The following POGZ variants were observed in gnomAD, a reference collection of about 807,000 sequenced individuals.
The protein encoded by POGZ is pogo transposable element derived with ZNF domain, also known as pogo transposable element with ZNF domain.
POGZ carries 17 observed loss-of-function variants against 134.6 expected under a neutral mutation model. The observed-to-expected ratio is 0.13, with a 90% CI of 0.09 to 0.19. The LOEUF is 0.19. Among genes scored for constraint, POGZ ranks in the 10% least tolerant of loss-of-function variants. POGZ has a pLI of 1.00. For missense variants in POGZ, 1,306 were observed against 1,769.7 expected (o/e 0.74, Z 4.70); for synonymous variants, 693 against 657.1 (o/e 1.05, Z -0.84).
chr1:151,423,855 T>G, intron 9 of POGZ, 94 bp downstream of exon 9: 3 of 918,364 alleles, frequency 3.3e-6, no homozygotes, highest in Non-Finnish European at 4.9e-6. Flanking sequence ...GCATAGTAGT[T>G]AGGTCCATTC....
chr1:151,438,529 CA>C (rs1660001068), intron 3 of POGZ, among the ~76,000 whole-genome samples: 1 of 151,982 alleles, frequency 6.6e-6, no homozygotes. Context: ...GCTCAAGAAT[CA>C]AGGGTACATT....
chr1:151,429,135 A>C (rs1277309104), intron 5 of POGZ, among the ~76,000 whole-genome samples: 2 of 151,996 alleles, frequency 1.3e-5, no homozygotes, highest in Admixed American at 6.5e-5. Flanking sequence ...AAAAAAAAAA[A>C]AAACTATCTA....
chr1:151,424,893 CA>C, intron 8 of POGZ, 61 bp downstream of exon 8: 1 of 831,004 alleles, frequency 1.2e-6, no homozygotes, highest in Non-Finnish European at 2.0e-6. Flanking sequence ...TACAAGCTTC[CA>C]ATATTAATGA....
At chr1:151,436,858 A>G (rs1371084632) in intron 3 of POGZ, among the ~76,000 whole-genome samples, 5 of 152,212 alleles carry the variant, frequency 3.3e-5, no homozygotes, top group Non-Finnish European at 7.3e-5. Context: ...TTGGGTATAC[A>G]GCTAGGAGTA....
In POGZ at chr1:151,427,740, C is replaced by A. The variant is rs562564840; in HGVS notation, c.1078+83G>T. On this transcript the variant is annotated intron_variant, in intron 7 of 18. Coordinates refer to ENST00000271715, the MANE Select transcript of POGZ (RefSeq NM_015100.4). The stretch of plus-strand genomic sequence containing the variant: ...TGTATTTTATTTTATTTTTCTATTT[C>A]TGAGTATAAAGCTCTGATACAACAA... 7.9e-6 allele frequency: 7 copies of A among 887,942 alleles called. No individual in the cohort carries two copies. In the African/African-American group the frequency reaches 1.0e-4, roughly 13 times the overall value. The allele number at this position is 887,942 out of a possible 1,614,324, so 55.0% of individuals were successfully genotyped here. A position where few individuals can be genotyped will look rare whatever the true frequency, so the allele number is the denominator to read the frequency against.
intron 4 of POGZ, 118 bp downstream of exon 4, chr1:151,430,548 G>T: frequency 1.4e-6 from 1 of 717,100 alleles, no homozygotes; most frequent in Non-Finnish European, 2.3e-6. Context: ...GAGAAAGCCA[G>T]GTCAAAAGAC....
At chr1:151,416,210 CAAAAA>C (rs1212371839) in intron 10 of POGZ, among the ~76,000 whole-genome samples, 51 of 42,780 alleles carry the variant, frequency 1.2e-3, no homozygotes, top group Admixed American at 8.4e-4. Context: ...AACTCCATCT[CAAAAA>C]AAAAAAAAAA....
At chr1:151,411,912 CTT>C (rs1365112332) in intron 11 of POGZ, 141 bp from the exon 12 acceptor site, 26 of 644,170 alleles carry the variant, frequency 4.0e-5, no homozygotes, top group African/African-American at 9.4e-5. Flanking sequence ...ATTTTCCTGA[CTT>C]TGTAATGCTG....
At chr1:151,415,952 G>A (rs1394051980) in intron 10 of POGZ, among the ~76,000 whole-genome samples, 3 of 152,062 alleles carry the variant, frequency 2.0e-5, no homozygotes, top group East Asian at 3.9e-4. Flanking sequence ...ACTGGCTCAC[G>A]CCTGTAATCT....
intron 1 of POGZ, among the ~76,000 whole-genome samples, chr1:151,451,303 A>T (rs1662034760): frequency 6.6e-6 from 1 of 151,958 alleles, no homozygotes; most frequent in South Asian, 2.1e-4. Context: ...AACCTGAATC[A>T]AATCAATTAT....
chr1:151,427,581 C>A, intron 7 of POGZ: 1 of 452,710 alleles, frequency 2.2e-6, no homozygotes, highest in Admixed American at 3.5e-5. Context: ...ATTATCTCAC[C>A]CATCTTTAAT....
intron 10 of POGZ, among the ~76,000 whole-genome samples, chr1:151,422,715 C>T (rs1657128467): frequency 3.3e-5 from 5 of 152,156 alleles, no homozygotes; most frequent in Admixed American, 3.3e-4. Context: ...TCTCAGCCTC[C>T]CGAGTAGCTG....
At chr1:151,438,578 C>A (rs1660011807) in intron 3 of POGZ, among the ~76,000 whole-genome samples, 1 of 151,962 alleles carries the variant, frequency 6.6e-6, no homozygotes, top group African/African-American at 2.4e-5. Flanking sequence ...CAGCATGTCA[C>A]AAGATGCTCA....
intron 4 of POGZ, among the ~76,000 whole-genome samples, chr1:151,430,174 C>G (rs1200736117): frequency 4.6e-5 from 7 of 152,172 alleles, no homozygotes; most frequent in Admixed American, 4.6e-4. Flanking sequence ...AAGCCACAGG[C>G]AAAGAGAAGC....
At chr1:151,435,089 C>T (rs770247324) in intron 3 of POGZ, among the ~76,000 whole-genome samples, 3 of 152,018 alleles carry the variant, frequency 2.0e-5, no homozygotes, top group Non-Finnish European at 2.9e-5. Flanking sequence ...TTAACAGAGA[C>T]AGGGTTTCAC....
intron 8 of POGZ, 122 bp from the exon 9 acceptor site, chr1:151,424,408 C>A: frequency 1.6e-6 from 1 of 639,196 alleles, no homozygotes; most frequent in Non-Finnish European, 2.6e-6. Context: ...AGCTTTCACC[C>A]TTCAGTTTTT....
In POGZ at chr1:151,428,383, A is replaced by T. The variant is rs781492157; in HGVS notation, c.599T>A (p.Val200Asp). Reference protein sequence around the residue: ...APGTQFVKPTVGVPQVFSQMT... With the variant: ...APGTQFVKPTDGVPQVFSQMT... ...CTGGGAGAACACTTGTGGAACTCCA[A>T]CTGTCGGCTTAACAAACTGGGTACC... Residue 200 changes from valine to aspartate, a missense_variant, in exon 6 of 19, where the codon GTT (valine) becomes GAT (aspartate). Physicochemically the swap from Val to Asp is radical, Grantham distance 152. This residue lies in a region of POGZ where 541 missense variants were observed against 680.5 expected (regional missense o/e 0.80). Coordinates refer to ENST00000271715, the MANE Select transcript of POGZ (RefSeq NM_015100.4). 1 of 1,613,886 alleles carries T rather than the reference A, an allele frequency of 6.2e-7. No individual in the cohort carries two copies. The highest frequency in any genetic ancestry group is 8.5e-7 in the Non-Finnish European group (1 of 1,179,752).
chr1:151,416,191 C>A (rs1655614928), intron 10 of POGZ, among the ~76,000 whole-genome samples: 1 of 78,540 alleles, frequency 1.3e-5, no homozygotes, highest in African/African-American at 5.1e-5. Flanking sequence ...GCCTGGGTGA[C>A]AAGAGTGAAA....
chr1:151,433,215 G>A (rs1008146776), intron 3 of POGZ, among the ~76,000 whole-genome samples: 14 of 152,188 alleles, frequency 9.2e-5, no homozygotes, highest in Non-Finnish European at 2.1e-4. Context: ...AGGTTTCCAT[G>A]AAACCCGTAA....
Sources: gnomAD v4.1 joint callset for allele counts (sites outside exome capture counted in the v4.1 genomes callset) on GRCh38, gnomAD v4.1.1 for gene constraint, gnomAD v4.1.1 regional missense constraint, MANE v1.5 for transcripts, NCBI Gene and HGNC (gene_info 2026-07-23, HGNC 2026-07-21) for gene names.